ZNF207: variants seen among roughly 807,000 people sequenced by gnomAD.
The protein encoded by ZNF207 is BUB3-interacting and GLEBS motif-containing protein ZNF207.
In ZNF207, 24 loss-of-function variants were observed where a neutral mutation model predicts 60.2. The ratio of observed to expected loss-of-function variants is 0.40; its 90% CI spans 0.29 to 0.56. ZNF207 has a LOEUF of 0.56. Ranked by LOEUF, ZNF207 falls within the 20% of genes least tolerant of loss-of-function variation. ZNF207 has a pLI of 0.49. For missense variants in ZNF207, 452 were observed against 636.6 expected (o/e 0.71, Z 3.12); for synonymous variants, 236 against 194.7 (o/e 1.21, Z -1.77).
chr17:32,356,351 C>T (rs563904401), intron 2 of ZNF207, among the ~76,000 whole-genome samples: 104 of 152,266 alleles, frequency 6.8e-4, no homozygotes, highest in African/African-American at 2.4e-3. Flanking sequence ...TGCATCATCT[C>T]TTTATTAAGA....
chr17:32,360,647 C>G lies in ZNF207; in HGVS notation c.357C>G (p.Asp119Glu). ...ATGATTCTGATGAATATGATGATGA[C>G]GACTCTGCAGCCTCAACTTCATTTC... is the stretch of plus-strand genomic sequence containing the variant. ...QQDDSDEYDD[D>E]DSAASTSFQP... The change falls in exon 4 of 12, where the codon GAC (aspartate) becomes GAG (glutamate). Residue 119 changes from aspartate to glutamate, a missense_variant. Around this residue, in one of 2 missense-constraint regions of ZNF207, gnomAD observed 62 missense variants for 175.3 expected, o/e 0.35. Coordinates refer to ENST00000394670, the MANE Select transcript of ZNF207 (RefSeq NM_001098507.2). 1 of 1,613,530 alleles carries G rather than the reference C, an allele frequency of 6.2e-7. No individual in the cohort carries two copies. Among genetic ancestry groups the G allele is most frequent in the South Asian group, 1.1e-5 (1 of 91,016 alleles).
chr17:32,357,004 A>T (rs1159123480), intron 2 of ZNF207, among the ~76,000 whole-genome samples: 1 of 152,090 alleles, frequency 6.6e-6, no homozygotes, highest in African/African-American at 2.4e-5. Context: ...GAACATAACA[A>T]AACTACCTCG....
At chr17:32,352,894 C>T (rs2041532065) in intron 2 of ZNF207, among the ~76,000 whole-genome samples, 1 of 152,184 alleles carries the variant, frequency 6.6e-6, no homozygotes, top group South Asian at 2.1e-4. Context: ...TTCTAGGTTT[C>T]GGCTGGGCGC....
In ZNF207 at chr17:32,378,297, T is replaced by G. The variant is rs1364348447; in HGVS notation, c.*8538T>G. 6.6e-6 allele frequency: 1 copy of G among 152,010 alleles called. No individual in the cohort carries two copies. Among genetic ancestry groups the G allele is most frequent in the Non-Finnish European group, 1.5e-5 (1 of 67,902 alleles). The allele number at this position is 152,010 out of a possible 1,614,324, so 9.4% of individuals were successfully genotyped here. A position where few individuals can be genotyped will look rare whatever the true frequency, so the allele number is the denominator to read the frequency against. ...ATGATATGGAGTCCAGGGCTTTGGG[T>G]CCAGGGTCTTTTACTTAAGCTATTT... is the stretch of plus-strand genomic sequence containing the variant. On this transcript the variant is annotated 3_prime_UTR_variant, in exon 12 of 12. Transcript: ENST00000394670.
In ZNF207 at chr17:32,380,113, T is replaced by A. The variant is rs1905825628; in HGVS notation, c.*10354T>A. 1.3e-5 allele frequency: 2 copies of A among 152,754 alleles called. No individual in the cohort carries two copies. Among genetic ancestry groups the A allele is most frequent in the South Asian group, 2.1e-4 (1 of 4,822 alleles). 9.5% of individuals were successfully genotyped at this position (152,754 alleles called of 1,614,324 possible). The stretch of plus-strand genomic sequence containing the variant: ...CACTAAACAAAGTATGGACCCTCAA[T>A]TTATGTCTTTAAGATTTAAAGTGAA... On this transcript the variant is annotated 3_prime_UTR_variant, in exon 12 of 12. Coordinates refer to ENST00000394670, the MANE Select transcript of ZNF207 (RefSeq NM_001098507.2).
At position 32,376,188 on chromosome 17, in the gene ZNF207, G is replaced by A. The variant is rs1905669151; in HGVS notation, c.*6429G>A. 6.6e-6 allele frequency: 1 copy of A among 151,938 alleles called. No individual in the cohort carries two copies. The highest frequency in any genetic ancestry group is 6.6e-5 in the Admixed American group (1 of 15,250). 9.4% of individuals were successfully genotyped at this position (151,938 alleles called of 1,614,324 possible). A position where few individuals can be genotyped will look rare whatever the true frequency, so the allele number is the denominator to read the frequency against. On this transcript the variant is annotated 3_prime_UTR_variant, in exon 12 of 12. Transcript: ENST00000394670. ...GGATCTAATTCAAACCAATATGTAGGAAATGGAGAAAGTAGGACTTCAGTT... is the reference window on the plus strand; with the variant it reads ...GGATCTAATTCAAACCAATATGTAGAAAATGGAGAAAGTAGGACTTCAGTT...
intron 9 of ZNF207, 123 bp from the exon 10 acceptor site, chr17:32,367,649 T>A: frequency 7.9e-7 from 1 of 1,270,626 alleles, no homozygotes; most frequent in Non-Finnish European, 1.1e-6. Context: ...ATTAACTTTG[T>A]ATTAATTTCA....
intron 1 of ZNF207, chr17:32,351,434 A>G: frequency 7.5e-7 from 1 of 1,333,238 alleles, no homozygotes; most frequent in Non-Finnish European, 9.6e-7. Flanking sequence ...AACCTTAGGG[A>G]TTTCTTAACT....
At position 32,351,506 on chromosome 17, in the gene ZNF207, A is replaced by G. The variant is rs534619172; in HGVS notation, c.42-280A>G. ...TTGAAATATTTATAACAAAAGTTTC[A>G]CCGACATCTCTGTTAAACACAGGAA... On this transcript the variant is annotated intron_variant, in intron 1 of 11. Coordinates refer to ENST00000394670, the MANE Select transcript of ZNF207 (RefSeq NM_001098507.2). 9 of 1,498,212 alleles carry G rather than the reference A, an allele frequency of 6.0e-6. No homozygotes were observed. In the East Asian group the frequency reaches 7.5e-5, roughly 13 times the overall value. 92.8% of individuals were successfully genotyped at this position (1,498,212 alleles called of 1,614,324 possible).
Position 32,361,654 on chromosome 17 carries a change from C to A in ZNF207, c.599+139C>A, listed in dbSNP as rs1396109792. Reference sequence around the variant, plus strand: ...ACTAAAACTTGCAAGCTAATTAACACAGGTCTCTTAAAGAAGGAAAATAAA... The same window carrying A: ...ACTAAAACTTGCAAGCTAATTAACAAAGGTCTCTTAAAGAAGGAAAATAAA... On this transcript the variant is annotated intron_variant, in intron 6 of 11. Coordinates refer to ENST00000394670, the MANE Select transcript of ZNF207 (RefSeq NM_001098507.2). The A allele has an allele frequency of 6.1e-6, 4 of 653,496 alleles. No individual in the cohort carries two copies. In the South Asian group the frequency reaches 9.3e-5, roughly 15 times the overall value. 40.5% of individuals were successfully genotyped at this position (653,496 alleles called of 1,614,324 possible). A position where few individuals can be genotyped will look rare whatever the true frequency, so the allele number is the denominator to read the frequency against.
chr17:32,350,336 G>C lies in ZNF207; in HGVS notation c.41+10G>C, dbSNP rs749135912. The C allele has an allele frequency of 1.9e-6, 3 of 1,614,120 alleles. No homozygotes were observed. Among genetic ancestry groups the C allele is most frequent in the South Asian group, 2.2e-5 (2 of 91,080 alleles). On this transcript the variant is annotated intron_variant, in intron 1 of 11. Coordinates refer to ENST00000394670, the MANE Select transcript of ZNF207 (RefSeq NM_001098507.2). ...TGAAGCCGTGGTGCTGGTATCCTTT[G>C]TCGGTTTGAAGTCGAGGTCGCGTTG...
chr17:32,365,800 C>G (rs1298328389), intron 8 of ZNF207, among the ~76,000 whole-genome samples: 1 of 145,388 alleles, frequency 6.9e-6, no homozygotes, highest in East Asian at 2.0e-4. Flanking sequence ...AGAAGTTTTC[C>G]TTTACTGACT....
Position 32,350,229 on chromosome 17 carries a change from GC to G in ZNF207, c.-55del. ...GGGTTGGGAAAGTGAGGGATTTTTG[GC>G]CTCGTTTCTCCTGCTTCTTTTCTCC... is the stretch of plus-strand genomic sequence containing the variant. On this transcript the variant is annotated 5_prime_UTR_variant, in exon 1 of 12. Coordinates refer to ENST00000394670, the MANE Select transcript of ZNF207 (RefSeq NM_001098507.2). 1.2e-6 allele frequency: 2 copies of G among 1,611,418 alleles called. No individual in the cohort carries two copies. The highest frequency in any genetic ancestry group is 2.7e-5 in the African/African-American group (2 of 74,956).
At position 32,371,439 on chromosome 17, in the gene ZNF207, A is replaced by G. The variant is rs1410986694; in HGVS notation, c.*1680A>G. The G allele has an allele frequency of 6.6e-6, 1 of 152,256 alleles. No homozygotes were observed. Among genetic ancestry groups the G allele is most frequent in the Non-Finnish European group, 1.5e-5 (1 of 68,050 alleles). The allele number at this position is 152,256 out of a possible 1,614,324, so 9.4% of individuals were successfully genotyped here. On this transcript the variant is annotated 3_prime_UTR_variant, in exon 12 of 12. Transcript: ENST00000394670. ...TTAAGCAAAACATTGCAAGTATTAT[A>G]AAGCTGAATGCTATTTTAACTCACA...
At chr17:32,367,267 A>ATG (rs1567824962) in intron 9 of ZNF207, among the ~76,000 whole-genome samples, 1,491 of 117,752 alleles carry the variant, frequency 0.013, 58 homozygotes, top group South Asian at 0.036. Context: ...ATATATATAT[A>ATG]TATATATATA....
intron 2 of ZNF207, among the ~76,000 whole-genome samples, chr17:32,352,392 A>T (rs1015872828): frequency 1.6e-4 from 24 of 152,224 alleles, no homozygotes; most frequent in African/African-American, 5.8e-4. Context: ...TTCGATAGCC[A>T]TCAAGACAAT....
chr17:32,351,752 T>C (rs747963873), intron 1 of ZNF207, 34 bp from the exon 2 acceptor site: 1 of 1,609,020 alleles, frequency 6.2e-7, no homozygotes, highest in Non-Finnish European at 8.5e-7. Flanking sequence ...GTGTCATCAT[T>C]AGGCTGTCTT....
At chr17:32,356,485 TTC>T (rs1339478744) in intron 2 of ZNF207, among the ~76,000 whole-genome samples, 3 of 152,222 alleles carry the variant, frequency 2.0e-5, no homozygotes, top group Non-Finnish European at 2.9e-5. Flanking sequence ...TTAAGATAAT[TTC>T]TGAGTTTGAT....
intron 9 of ZNF207, 150 bp from the exon 10 acceptor site, chr17:32,367,622 T>C (rs1905264443): frequency 9.3e-7 from 1 of 1,072,114 alleles, no homozygotes; most frequent in Admixed American, 2.9e-5. Context: ...TCTTGAATTT[T>C]GTGGAATGTT....
Sources: allele counts gnomAD v4.1 joint callset (sites outside exome capture counted in the v4.1 genomes callset), GRCh38; gene constraint gnomAD v4.1.1; regional missense constraint gnomAD v4.1.1; transcripts MANE v1.5; gene names NCBI Gene and HGNC (gene_info 2026-07-23, HGNC 2026-07-21).